The following TBC1D14 variants were observed in gnomAD, a reference collection of about 807,000 sequenced individuals.
The protein encoded by TBC1D14 is TBC1 domain family member 14, also known as TBC1 domain family, member 14.
A neutral mutation model predicts 79.0 loss-of-function variants in TBC1D14; 26 were observed. The observed-to-expected ratio is 0.33, with a 90% CI of 0.24 to 0.46. The LOEUF (loss-of-function observed/expected upper bound fraction) is 0.46, where lower values mean the gene tolerates loss of function less well. Ranked by LOEUF, TBC1D14 falls within the 20% of genes least tolerant of loss-of-function variation. The pLI, the probability that TBC1D14 is intolerant of heterozygous loss-of-function variation, is 1.00. For synonymous variants in TBC1D14, 394 were observed against 349.9 expected (o/e 1.13, Z -1.40); for missense variants, 769 against 887.6 (o/e 0.87, Z 1.70).
rs191732977 is a variant in TBC1D14 at position 6,926,580 on chromosome 4, A to G, written c.722+2469A>G. Among the ~76,000 whole-genome samples the G allele has an allele frequency of 8.5e-5, 13 of 152,328 alleles. No homozygotes were observed. The East Asian group carries it at 2.5e-3, about 29-fold the overall frequency. On this transcript the variant is annotated intron_variant, in intron 2 of 13. Transcript: ENST00000409757. ...ACTACCTTTGGGAAGATAATGGAAT[A>G]TAATGAAAAATGACTTAAAACAAGT...
chr4:6,984,541 T>C (rs1408560827), intron 3 of TBC1D14, among the ~76,000 whole-genome samples: 1 of 152,242 alleles, frequency 6.6e-6, no homozygotes, highest in Non-Finnish European at 1.5e-5. Flanking sequence ...TTTTCACATT[T>C]TAAATACAAT....
chr4:7,011,583 G>T (rs1383996780), intron 11 of TBC1D14, among the ~76,000 whole-genome samples: 1 of 151,750 alleles, frequency 6.6e-6, no homozygotes, highest in Non-Finnish European at 1.5e-5. Flanking sequence ...TTTTGGCAGG[G>T]TCTTGCTCTC....
intron 3 of TBC1D14, chr4:6,987,027 G>T: frequency 2.4e-6 from 1 of 418,298 alleles, no homozygotes; most frequent in Non-Finnish European, 3.7e-6. Context: ...GCCTGTCGGC[G>T]CGCGTCCCCG....
At chr4:7,027,871 G>C (rs28712846) in intron 13 of TBC1D14, among the ~76,000 whole-genome samples, 1,781 of 106,382 alleles carry the variant, frequency 0.017, 42 homozygotes, top group African/African-American at 0.062. Flanking sequence ...TCACCCCCAT[G>C]CACACACATT....
intron 2 of TBC1D14, among the ~76,000 whole-genome samples, chr4:6,958,088 C>T (rs1714821217): frequency 6.6e-6 from 1 of 152,130 alleles, no homozygotes; most frequent in Admixed American, 6.5e-5. Flanking sequence ...CCCAGGTTCT[C>T]AGCTCCCCAG....
At position 7,023,478 on chromosome 4, in the gene TBC1D14, A is replaced by G. The variant is rs569589843; in HGVS notation, c.1758-1526A>G. Among the ~76,000 whole-genome samples, 9 of 152,310 alleles carry G rather than the reference A, an allele frequency of 5.9e-5. No homozygotes were observed. The South Asian group carries it at 1.7e-3, about 28-fold the overall frequency. On this transcript the variant is annotated intron_variant, in intron 12 of 13. Transcript: ENST00000409757. ...AGAATATTCTCTAGACTAAGGAAAC[A>G]AAAGATCTCTTTGTTCTTTCTTGAA...
intron 2 of TBC1D14, among the ~76,000 whole-genome samples, chr4:6,965,177 A>G (rs908739867): frequency 1.9e-4 from 28 of 149,880 alleles, no homozygotes; most frequent in Non-Finnish European, 2.2e-4. Context: ...TTTTTTGGCG[A>G]TAGAGTCTCA....
chr4:6,941,108 C>A (rs1190662516), intron 2 of TBC1D14, among the ~76,000 whole-genome samples: 1 of 151,922 alleles, frequency 6.6e-6, no homozygotes, highest in Non-Finnish European at 1.5e-5. Flanking sequence ...TGTTCTGAAT[C>A]CCACCTGGGT....
intron 2 of TBC1D14, among the ~76,000 whole-genome samples, chr4:6,961,047 G>T (rs764535487): frequency 2.6e-5 from 4 of 152,136 alleles, no homozygotes; most frequent in Non-Finnish European, 5.9e-5. Context: ...GGACCTGGGA[G>T]CTCTGCCTTC....
At position 6,963,300 on chromosome 4, in the gene TBC1D14, A is replaced by C. The variant is rs898996035; in HGVS notation, c.723-4004A>C. Among the ~76,000 whole-genome samples, 10 of 152,380 alleles carry C rather than the reference A, an allele frequency of 6.6e-5. No homozygotes were observed. The East Asian group carries it at 1.9e-3, about 29-fold the overall frequency. On this transcript the variant is annotated intron_variant, in intron 2 of 13. Coordinates refer to ENST00000409757, the MANE Select transcript of TBC1D14 (RefSeq NM_020773.3). ...TGGCTATGGCCATTGTGTGCTCAGC[A>C]TCTGAAGGTCAAAGGGTGGGCTGAC...
In TBC1D14 at chr4:7,001,069, T is replaced by C. The variant is rs1719628052; in HGVS notation, c.1164-76T>C. 7 of 1,273,330 alleles carry C rather than the reference T, an allele frequency of 5.5e-6. No individual in the cohort carries two copies. In the South Asian group the frequency reaches 8.8e-5, roughly 16 times the overall value. The allele number at this position is 1,273,330 out of a possible 1,614,324, so 78.9% of individuals were successfully genotyped here. A position where few individuals can be genotyped will look rare whatever the true frequency, so the allele number is the denominator to read the frequency against. ...AACGGTGCATCCCAGCTCTTGGTGGTTCGGGGCTAGGCACGCAGGTAGACA... is the reference window on the plus strand; with the variant it reads ...AACGGTGCATCCCAGCTCTTGGTGGCTCGGGGCTAGGCACGCAGGTAGACA... On this transcript the variant is annotated intron_variant, in intron 6 of 13. Transcript: ENST00000409757.
intron 1 of TBC1D14, among the ~76,000 whole-genome samples, chr4:6,919,473 CT>C (rs1371811504): frequency 6.6e-6 from 1 of 151,840 alleles, no homozygotes; most frequent in Non-Finnish European, 1.5e-5. Flanking sequence ...TTAAATTCTA[CT>C]TTTGTCTGTA....
At chr4:6,911,588 CCTGCAGTTCCT>C (rs1318689611) in intron 1 of TBC1D14, among the ~76,000 whole-genome samples, 1 of 152,250 alleles carries the variant, frequency 6.6e-6, no homozygotes, top group East Asian at 1.9e-4. Flanking sequence ...TCCTTTAGCC[CCTGCAGTTCCT>C]CTGCATTGGG....
chr4:6,979,114 A>G, intron 3 of TBC1D14, among the ~76,000 whole-genome samples: 1 of 152,218 alleles, frequency 6.6e-6, no homozygotes, highest in East Asian at 1.9e-4. Flanking sequence ...ATACAAAGAG[A>G]TGGCAAAAAA....
chr4:7,009,078 T>A (rs1348846288), intron 9 of TBC1D14, among the ~76,000 whole-genome samples: 1 of 152,240 alleles, frequency 6.6e-6, no homozygotes, highest in East Asian at 1.9e-4. Context: ...CATGGCATTC[T>A]TTTGTAAGCC....
At chr4:6,943,176 G>A (rs986701187) in intron 2 of TBC1D14, among the ~76,000 whole-genome samples, 2 of 151,780 alleles carry the variant, frequency 1.3e-5, no homozygotes, top group African/African-American at 4.8e-5. Flanking sequence ...AGCCAGCCGT[G>A]CCTGAAGCGG....
chr4:7,033,039 A>G lies in TBC1D14; in HGVS notation c.*2647A>G, dbSNP rs1723203225. 1 of 152,692 alleles carries G rather than the reference A, an allele frequency of 6.5e-6. No individual in the cohort carries two copies. The highest frequency in any genetic ancestry group is 6.5e-5 in the Admixed American group (1 of 15,290). 9.5% of individuals were successfully genotyped at this position (152,692 alleles called of 1,614,324 possible). On this transcript the variant is annotated 3_prime_UTR_variant, in exon 14 of 14. Coordinates refer to ENST00000409757, the MANE Select transcript of TBC1D14 (RefSeq NM_020773.3). Reference sequence around the variant, plus strand: ...CAGTTAACCTTTAATTTTATTTAGTAAAGTGTATCAAAGTAGGACTTTTTT... The same window carrying G: ...CAGTTAACCTTTAATTTTATTTAGTGAAGTGTATCAAAGTAGGACTTTTTT...
intron 1 of TBC1D14, among the ~76,000 whole-genome samples, chr4:6,915,018 G>A (rs28548735): frequency 0.01 from 1,592 of 152,272 alleles, 29 homozygotes; most frequent in African/African-American, 0.036. Flanking sequence ...CAGCCTGGGC[G>A]ACAGAGTGAG....
chr4:6,988,523 T>TGTCACAGCATTAGTTCAA (rs2109127322), intron 3 of TBC1D14, among the ~76,000 whole-genome samples: 1 of 152,364 alleles, frequency 6.6e-6, no homozygotes, highest in East Asian at 1.9e-4. Flanking sequence ...GTGGCCGTGC[T>TGTCACAGCATTAGTTCAA]GTCACAGCAT....
Sources: allele counts gnomAD v4.1 joint callset (sites outside exome capture counted in the v4.1 genomes callset), GRCh38; gene constraint gnomAD v4.1.1; transcripts MANE v1.5; gene names NCBI Gene and HGNC (gene_info 2026-07-23, HGNC 2026-07-21).